Variants in DENND4B observed in about 807,000 individuals in gnomAD.
DENND4B encodes the protein DENN domain-containing protein 4B.
A neutral mutation model predicts 161.0 loss-of-function variants in DENND4B; 67 were observed. The observed-to-expected ratio is 0.42, with a 90% CI of 0.34 to 0.51. The LOEUF (loss-of-function observed/expected upper bound fraction) is 0.51. Ranked by LOEUF, DENND4B falls within the 20% of genes least tolerant of loss-of-function variation. DENND4B has a pLI of 0.08. For missense variants in DENND4B, 1,481 were observed against 1,968.0 expected, an observed-to-expected ratio of 0.75 and a Z score of 4.68; for synonymous variants, 753 against 813.8, an observed-to-expected ratio of 0.93 and a Z score of 1.27.
intron 24 of DENND4B, among the ~76,000 whole-genome samples, chr1:153,931,876 TCA>T (rs1678967469): frequency 6.7e-6 from 1 of 149,900 alleles, no homozygotes; most frequent in South Asian, 2.1e-4. Context: ...CGATCTCGGC[TCA>T]CCACAACCTC....
rs956812884 is a variant in DENND4B at position 153,946,563 on chromosome 1, C to T, written c.-286G>A. 2.6e-6 allele frequency: 1 copy of T among 389,108 alleles called. No individual in the cohort carries two copies. Among genetic ancestry groups the T allele is most frequent in the Non-Finnish European group, 4.5e-6 (1 of 219,842 alleles). The allele number at this position is 389,108 out of a possible 1,614,324, so 24.1% of individuals were successfully genotyped here. On this transcript the variant is annotated 5_prime_UTR_variant, in exon 1 of 28. Coordinates refer to ENST00000361217, the MANE Select transcript of DENND4B (RefSeq NM_014856.3). This position sits in a 1 kb window ranked among gnomAD's most constrained non-coding sequence, Gnocchi z 6.3. ...TGTGCTGCCGCGCTGCTCGCTCGGC[C>T]GGCTCGGTCCTCCCAGCTCCCGCGG... is the stretch of plus-strand genomic sequence containing the variant.
Position 153,934,961 on chromosome 1 carries a change from C to T in DENND4B, c.2572G>A (p.Val858Met). Residue 858 changes from valine (V) to methionine (M), a missense_variant, in exon 18 of 28, where the codon GTG becomes ATG. By Grantham distance (21) the Val-to-Met change is conservative. Around this residue, in one of 3 missense-constraint regions of DENND4B, gnomAD observed 339 missense variants for 330.3 expected, o/e 1.03. Transcript: ENST00000361217. The surrounding 1 kb of genome is among the most constrained non-coding windows in gnomAD (Gnocchi z 5.3). The stretch of plus-strand genomic sequence containing the variant: ...CCAGACGGCCACTTGCTTTCCAACA[C>T]AGCCTACCAAGCACAGTGCCCATCA... ...TITYGYYNKA[V>M]LESKWPSGTP... is the part of the protein sequence containing the mutation. 6.2e-7 allele frequency: 1 copy of T among 1,610,966 alleles called. No individual in the cohort carries two copies. Among genetic ancestry groups the T allele is most frequent in the South Asian group, 1.1e-5 (1 of 91,086 alleles).
Position 153,933,032 on chromosome 1 carries a change from T to A in DENND4B, c.3454-2A>T. The A allele has an allele frequency of 6.2e-7, 1 of 1,613,320 alleles. No individual in the cohort carries two copies. The highest frequency in any genetic ancestry group is 8.5e-7 in the Non-Finnish European group (1 of 1,179,472). On this transcript the variant is annotated splice_acceptor_variant, in intron 21 of 27. Transcript: ENST00000361217. LOFTEE classifies it high-confidence loss of function. The surrounding 1 kb of genome is among the most constrained non-coding windows in gnomAD (Gnocchi z 5.7). ...CAGGGAGCAGCTGGACAGCAGAATC[T>A]GTGGGCAGGGAGAGTCGGGAAGTAG...
At chr1:153,945,473 ACCT>A (rs1679906764) in intron 1 of DENND4B, among the ~76,000 whole-genome samples, 1 of 151,920 alleles carries the variant, frequency 6.6e-6, no homozygotes, top group Admixed American at 6.6e-5. Flanking sequence ...AGTCCTGCTA[ACCT>A]CCTGCTGTTC....
chr1:153,941,405 G>A lies in DENND4B; in HGVS notation c.1091C>T (p.Pro364Leu), dbSNP rs761238481. The A allele has an allele frequency of 6.2e-7, 1 of 1,613,508 alleles. No individual in the cohort carries two copies. Among genetic ancestry groups the A allele is most frequent in the Non-Finnish European group, 8.5e-7 (1 of 1,179,772 alleles). Residue 364 changes from proline to leucine, a missense_variant, in exon 7 of 28, where the codon CCT (proline) becomes CTT (leucine). Physicochemically the swap from Pro to Leu is moderately conservative, Grantham distance 98. This residue lies in a region of DENND4B where 806 missense variants were observed against 1,134.4 expected (regional missense o/e 0.71). Transcript: ENST00000361217. ...TAGGATGCGGGGTCTCTGTGGGGAA[G>A]GGAAGGGAACGTTGTGAATGAAGTG... is the stretch of plus-strand genomic sequence containing the variant. ...ISHFIHNVPFPSPQRPRILVQ... is the reference protein window; with the variant it reads ...ISHFIHNVPFLSPQRPRILVQ...
rs201037983 is a variant in DENND4B, at chr1:153,932,415, C to G, written c.3785G>C (p.Gly1262Ala). ...CAGGGGGCTCAGGTATGCCCATGCC[C>G]CACTCTCAACCCGCCGGGAGGCTCC... is the stretch of plus-strand genomic sequence containing the variant. The part of the protein sequence containing the change: ...MGGASRRVES[G>A]AWAYLSPLVL... The change falls in exon 24 of 28, where the codon GGG becomes GCG. Residue 1262 changes from glycine (G) to alanine (A), a missense_variant. Physicochemically the swap from Gly to Ala is moderately conservative, Grantham distance 60. Around this residue, in one of 3 missense-constraint regions of DENND4B, gnomAD observed 336 missense variants for 503.3 expected, o/e 0.67. Coordinates refer to ENST00000361217, the MANE Select transcript of DENND4B (RefSeq NM_014856.3). This position sits in a 1 kb window ranked among gnomAD's most constrained non-coding sequence, Gnocchi z 5.8. 2 of 1,611,904 alleles carry G rather than the reference C, an allele frequency of 1.2e-6. No homozygotes were observed. Among genetic ancestry groups the G allele is most frequent in the South Asian group, 2.2e-5 (2 of 90,722 alleles).
Position 153,934,796 on chromosome 1 carries a change from C to CCTGCTCCTG in DENND4B, c.2728_2736dup (p.Gln910_Gln912dup), listed in dbSNP as rs755112741. On this transcript the variant is annotated inframe_insertion, in exon 18 of 28. Transcript: ENST00000361217. This position sits in a 1 kb window ranked among gnomAD's most constrained non-coding sequence, Gnocchi z 5.3. The stretch of plus-strand genomic sequence containing the variant: ...CTGCCTGCCTCTTGATGTGCTGACA[C>CCTGCTCCTG]CTGCTCCTGCTGCTGCTGCTGCTGC... 3 of 1,598,916 alleles carry CCTGCTCCTG rather than the reference C, an allele frequency of 1.9e-6. No individual in the cohort carries two copies. The African/African-American group carries it at 4.1e-5, about 22-fold the overall frequency.
chr1:153,937,889 G>A lies in DENND4B; in HGVS notation c.1966-26C>T. On this transcript the variant is annotated intron_variant, in intron 13 of 27. Transcript: ENST00000361217. This position sits in a 1 kb window ranked among gnomAD's most constrained non-coding sequence, Gnocchi z 4.7. The stretch of plus-strand genomic sequence containing the variant: ...CTGGAGAAGGATTTTAAGAGAGCAA[G>A]TGTTGAGATGGTGGGCATGGAGCAG... The A allele has an allele frequency of 6.2e-7, 1 of 1,613,882 alleles. No homozygotes were observed. The highest frequency in any genetic ancestry group is 8.5e-7 in the Non-Finnish European group (1 of 1,179,864).
chr1:153,939,003 G>A lies in DENND4B; in HGVS notation c.1862C>T (p.Ser621Phe). 6.2e-6 allele frequency: 10 copies of A among 1,612,548 alleles called. No homozygotes were observed. Among genetic ancestry groups the A allele is most frequent in the Non-Finnish European group, 6.8e-6 (8 of 1,179,312 alleles). ...SRERSSHKLY[S>F]QLLHTQMFSQ... The stretch of plus-strand genomic sequence containing the variant: ...GAACATCTGTGTGTGCAGCAGCTGA[G>A]AGTAAAGTTTGTGGCTGGAGCGTTC... Residue 621 changes from serine to phenylalanine, a missense_variant, in exon 13 of 28, where the codon TCT (serine) becomes TTT (phenylalanine). Physicochemically the swap from Ser to Phe is radical, Grantham distance 155. Coordinates refer to ENST00000361217, the MANE Select transcript of DENND4B (RefSeq NM_014856.3).
chr1:153,937,469 C>T lies in DENND4B; in HGVS notation c.2232+19G>A, dbSNP rs752710537. On this transcript the variant is annotated intron_variant, in intron 15 of 27. Coordinates refer to ENST00000361217, the MANE Select transcript of DENND4B (RefSeq NM_014856.3). This position sits in a 1 kb window ranked among gnomAD's most constrained non-coding sequence, Gnocchi z 4.7. ...TCAGCCTGATCCGGGTCCCTCAGTG[C>T]GGTCCACCCACTGCTTACCTGTTTG... is the stretch of plus-strand genomic sequence containing the variant. 1.5e-5 allele frequency: 23 copies of T among 1,520,910 alleles called. No homozygotes were observed. Among genetic ancestry groups the T allele is most frequent in the East Asian group, 2.5e-5 (1 of 40,610 alleles). 94.2% of individuals were successfully genotyped at this position (1,520,910 alleles called of 1,614,324 possible).
rs372745388 is a variant in DENND4B at position 153,945,919 on chromosome 1, G to A, written c.-24+382C>T. On this transcript the variant is annotated intron_variant, in intron 1 of 27. Transcript: ENST00000361217. ...CTCCGGGTCCCCACGCCCGCGTGCC[G>A]GGTGACGGGAAGTTCGGGTTGGGGC... is the stretch of plus-strand genomic sequence containing the variant. Among the ~76,000 whole-genome samples, 11 of 152,260 alleles carry A rather than the reference G, an allele frequency of 7.2e-5. No homozygotes were observed. In the East Asian group the frequency reaches 1.9e-3, roughly 27 times the overall value.
At position 153,938,818 on chromosome 1, in the gene DENND4B, T is replaced by C; in HGVS notation, c.1965+82A>G. 7 of 1,478,454 alleles carry C rather than the reference T, an allele frequency of 4.7e-6. No individual in the cohort carries two copies. The South Asian group carries it at 8.6e-5, about 18-fold the overall frequency. The allele number at this position is 1,478,454 out of a possible 1,614,324, so 91.6% of individuals were successfully genotyped here. On this transcript the variant is annotated intron_variant, in intron 13 of 27. Coordinates refer to ENST00000361217, the MANE Select transcript of DENND4B (RefSeq NM_014856.3). The stretch of plus-strand genomic sequence containing the variant: ...GCCATACCACCCTGAACATGCCCGA[T>C]TCCGTCTAAAATGGCCTTGGGGCAA...
At chr1:153,941,773 C>CGGGGGGGG in intron 6 of DENND4B, 96 bp downstream of exon 6, 33 of 1,426,276 alleles carry the variant, frequency 2.3e-5, no homozygotes, top group African/African-American at 4.2e-5. Flanking sequence ...ACCCTGTGCC[C>CGGGGGGGG]AGCCCTCCCC....
In DENND4B at chr1:153,934,200, A is replaced by G; in HGVS notation, c.2876T>C (p.Val959Ala). The G allele has an allele frequency of 6.2e-7, 1 of 1,606,348 alleles. No homozygotes were observed. Among genetic ancestry groups the G allele is most frequent in the Non-Finnish European group, 8.5e-7 (1 of 1,177,266 alleles). ...GGCACTGCCCAGGCTACCACTCTTC[A>G]CCAGGCGTCCAGGGGGTGAGGCTGG... ...RDPASPPGRLVKSGSLGSARG... is the reference protein window; with the variant it reads ...RDPASPPGRLAKSGSLGSARG... The change falls in exon 19 of 28, where the codon GTG becomes GCG. Residue 959 changes from valine (V) to alanine (A), a missense_variant. Around this residue, in one of 3 missense-constraint regions of DENND4B, gnomAD observed 339 missense variants for 330.3 expected, o/e 1.03. Transcript: ENST00000361217. The surrounding 1 kb of genome is among the most constrained non-coding windows in gnomAD (Gnocchi z 5.3).
Position 153,934,279 on chromosome 1 carries a change from G to T in DENND4B, c.2797C>A (p.Pro933Thr). The T allele has an allele frequency of 6.3e-7, 1 of 1,593,290 alleles. No individual in the cohort carries two copies. Among genetic ancestry groups the T allele is most frequent in the East Asian group, 2.3e-5 (1 of 44,194 alleles). The change falls in exon 19 of 28, where the codon CCT (proline) becomes ACT (threonine). Residue 933 changes from proline to threonine, a missense_variant. Physicochemically the swap from Pro to Thr is conservative, Grantham distance 38. Around this residue, in one of 3 missense-constraint regions of DENND4B, gnomAD observed 339 missense variants for 330.3 expected, o/e 1.03. Coordinates refer to ENST00000361217, the MANE Select transcript of DENND4B (RefSeq NM_014856.3). The surrounding 1 kb of genome is among the most constrained non-coding windows in gnomAD (Gnocchi z 5.3). ...GTCTGGCGCTGAAGAGGGCGAGTAG[G>T]GGAAGGGCGCTCCAAATAGGGCTCT... The part of the protein sequence containing the change: ...QAEPYLERPS[P>T]TRPLQRQTTW...
In DENND4B at chr1:153,943,225, C is replaced by G; in HGVS notation, c.318-95G>C. 2.7e-6 allele frequency: 4 copies of G among 1,504,014 alleles called. 1 individual carries two copies. In the Admixed American group the frequency reaches 8.2e-5, roughly 31 times the overall value. The allele number at this position is 1,504,014 out of a possible 1,614,324, so 93.2% of individuals were successfully genotyped here. On this transcript the variant is annotated intron_variant, in intron 2 of 27. Coordinates refer to ENST00000361217, the MANE Select transcript of DENND4B (RefSeq NM_014856.3). Reference sequence around the variant, plus strand: ...CTGCCTATCTAATCCCCTGAACTTGCCTTGTACCCACAGCCTTGTCAAACT... The same window carrying G: ...CTGCCTATCTAATCCCCTGAACTTGGCTTGTACCCACAGCCTTGTCAAACT...
intron 17 of DENND4B, chr1:153,935,728 TTC>T: frequency 3.5e-6 from 1 of 284,980 alleles, no homozygotes; most frequent in South Asian, 3.3e-5. Context: ...TCATCTCCTC[TTC>T]TATAAGATGG....
chr1:153,934,369 GCTC>G lies in DENND4B; in HGVS notation c.2774-70_2774-68del. ...ACCCAGTCCCCTGTTCCAAAATAGA[GCTC>G]CTTAGATGGACCAGGGTTTGCAGGG... On this transcript the variant is annotated intron_variant, in intron 18 of 27. Coordinates refer to ENST00000361217, the MANE Select transcript of DENND4B (RefSeq NM_014856.3). The surrounding 1 kb of genome is among the most constrained non-coding windows in gnomAD (Gnocchi z 5.3). 6.6e-7 allele frequency: 1 copy of G among 1,512,902 alleles called. No individual in the cohort carries two copies. Among genetic ancestry groups the G allele is most frequent in the South Asian group, 1.3e-5 (1 of 78,282 alleles). The allele number at this position is 1,512,902 out of a possible 1,614,324, so 93.7% of individuals were successfully genotyped here. A position where few individuals can be genotyped will look rare whatever the true frequency, so the allele number is the denominator to read the frequency against.
intron 24 of DENND4B, among the ~76,000 whole-genome samples, chr1:153,931,698 G>T (rs571224917): frequency 6.6e-6 from 1 of 151,070 alleles, no homozygotes; most frequent in Admixed American, 6.6e-5. Context: ...GGGTTTCACC[G>T]TGTTAGCCAC....
Sources: allele counts gnomAD v4.1 joint callset (sites outside exome capture counted in the v4.1 genomes callset), GRCh38; gene constraint gnomAD v4.1.1; regional missense constraint gnomAD v4.1.1; non-coding constraint Gnocchi (gnomAD v3.1); transcripts MANE v1.5; gene names NCBI Gene and HGNC (gene_info 2026-07-23, HGNC 2026-07-21).